BCL2: variants seen among roughly 807,000 people sequenced by gnomAD.
BCL2 encodes the protein BCL2 apoptosis regulator, also known as apoptosis regulator Bcl-2.
In BCL2, 1 loss-of-function variant was observed where a neutral mutation model predicts 14.2. The ratio of observed to expected loss-of-function variants is 0.07; its 90% CI spans 0.02 to 0.33. The LOEUF is 0.33. Ranked by LOEUF, BCL2 falls within the 10% of genes least tolerant of loss-of-function variation. BCL2 has a pLI of 0.99. For synonymous variants in BCL2, 151 were observed against 137.2 expected, an observed-to-expected ratio of 1.10 and a Z score of -0.70; for missense variants, 247 against 305.9, an observed-to-expected ratio of 0.81 and a Z score of 1.44.
intron 2 of BCL2, among the ~76,000 whole-genome samples, chr18:63,154,464 A>T (rs1914724297): frequency 6.6e-6 from 1 of 152,072 alleles, no homozygotes. Context: ...CCACAGGGCG[A>T]GCTGGCCCTG....
chr18:63,166,457 G>A (rs76109840), intron 2 of BCL2, among the ~76,000 whole-genome samples: 1 of 152,228 alleles, frequency 6.6e-6, no homozygotes, highest in East Asian at 1.9e-4. Context: ...ACTGTCACTG[G>A]CTGGGAGGAC....
At chr18:63,230,674 G>T (rs1021292154) in intron 2 of BCL2, among the ~76,000 whole-genome samples, 1 of 152,016 alleles carries the variant, frequency 6.6e-6, no homozygotes, top group African/African-American at 2.4e-5. Flanking sequence ...TAAAGCATGA[G>T]AATTCTTTTC....
At chr18:63,256,211 T>C (rs2084529445) in intron 2 of BCL2, among the ~76,000 whole-genome samples, 2 of 152,128 alleles carry the variant, frequency 1.3e-5, no homozygotes, top group African/African-American at 4.8e-5. Flanking sequence ...AAGACAACAT[T>C]ATGGAAAAAA....
intron 2 of BCL2, among the ~76,000 whole-genome samples, chr18:63,253,680 T>C (rs1202496564): frequency 6.6e-6 from 1 of 152,232 alleles, no homozygotes; most frequent in African/African-American, 2.4e-5. Context: ...ATATGAATAG[T>C]TGAATCATTT....
At chr18:63,207,752 T>C (rs1194837996) in intron 2 of BCL2, 2 of 152,208 alleles carry the variant, frequency 1.3e-5, no homozygotes, top group Non-Finnish European at 2.9e-5. Flanking sequence ...CAATTTAAAT[T>C]CTGTGCTGTT....
At chr18:63,258,390 T>TG (rs1222398519) in intron 2 of BCL2, among the ~76,000 whole-genome samples, 8 of 152,214 alleles carry the variant, frequency 5.3e-5, no homozygotes, top group South Asian at 4.1e-4. Context: ...TCAACAAAGC[T>TG]GGGAGGGTTC....
At chr18:63,211,817 C>T (rs1028554665) in intron 2 of BCL2, among the ~76,000 whole-genome samples, 1 of 152,252 alleles carries the variant, frequency 6.6e-6, no homozygotes, top group African/African-American at 2.4e-5. Context: ...CAAAGGTCCC[C>T]TGCGGCAGCA....
chr18:63,169,287 T>TCTTTCTTTCTTC lies in BCL2; in HGVS notation c.586-40529_586-40528insGAAGAAAGAAAG, dbSNP rs1491311238. On this transcript the variant is annotated intron_variant, in intron 2 of 2. Transcript: ENST00000333681. ...TTCTTTCTTTCTTTCTTTCTTTCTT[T>TCTTTCTTTCTTC]CTTTCTTTCTTTCTTTCTTTCTTCC... Among the ~76,000 whole-genome samples the TCTTTCTTTCTTC allele has an allele frequency of 2.8e-5, 2 of 70,554 alleles. 1 individual carries two copies. The highest frequency in any genetic ancestry group is 1.4e-3 in the East Asian group (2 of 1,380). The allele number at this position is 70,554 out of a possible 152,430, so 46.3% of individuals were successfully genotyped here. A position where few individuals can be genotyped will look rare whatever the true frequency, so the allele number is the denominator to read the frequency against.
intron 2 of BCL2, among the ~76,000 whole-genome samples, chr18:63,306,926 G>A (rs761675559): frequency 1.3e-5 from 2 of 148,800 alleles, no homozygotes; most frequent in Non-Finnish European, 3.0e-5. Context: ...TTCTTCCAAT[G>A]TGGCCCAGGG....
At chr18:63,315,744 T>C (rs1913475756) in intron 2 of BCL2, 1 of 152,318 alleles carries the variant, frequency 6.6e-6, no homozygotes, top group East Asian at 1.9e-4. Flanking sequence ...GTATGCCAAA[T>C]GCCTAAAATG....
chr18:63,298,213 A>G (rs189645223), intron 2 of BCL2, among the ~76,000 whole-genome samples: 47 of 152,260 alleles, frequency 3.1e-4, no homozygotes, highest in Non-Finnish European at 5.9e-4. Context: ...ATCCTTTGTT[A>G]TGACAAGAGT....
intron 2 of BCL2, among the ~76,000 whole-genome samples, chr18:63,199,875 A>G (rs1185465048): frequency 1.3e-5 from 2 of 152,022 alleles, no homozygotes; most frequent in Non-Finnish European, 2.9e-5. Context: ...CAACCACCAC[A>G]CATGGGGTAA....
intron 2 of BCL2, among the ~76,000 whole-genome samples, chr18:63,283,850 G>T (rs1912386948): frequency 6.6e-6 from 1 of 152,228 alleles, no homozygotes; most frequent in African/African-American, 2.4e-5. Flanking sequence ...TCAAATGTGA[G>T]ACTCAACTGC....
At position 63,124,405 on chromosome 18, in the gene BCL2, C is replaced by T; in HGVS notation, c.*4220G>A. On this transcript the variant is annotated 3_prime_UTR_variant, in exon 3 of 3. Coordinates refer to ENST00000333681, the MANE Select transcript of BCL2 (RefSeq NM_000633.3). ...CTGCCAAACGGAGCTGCACTTTGAGCCATGCTGATGTCTCTGGAATCTAAA... is the reference window on the plus strand; with the variant it reads ...CTGCCAAACGGAGCTGCACTTTGAGTCATGCTGATGTCTCTGGAATCTAAA... 1 of 230,972 alleles carries T rather than the reference C, an allele frequency of 4.3e-6. No individual in the cohort carries two copies. The highest frequency in any genetic ancestry group is 8.6e-6 in the Non-Finnish European group (1 of 116,540). 14.3% of individuals were successfully genotyped at this position (230,972 alleles called of 1,614,324 possible).
At chr18:63,292,619 C>T (rs903450791) in intron 2 of BCL2, among the ~76,000 whole-genome samples, 6 of 152,288 alleles carry the variant, frequency 3.9e-5, no homozygotes, top group East Asian at 3.9e-4. Context: ...GCAAATAAAC[C>T]GTCGTTGAAG....
At chr18:63,218,458 T>C (rs1910269654) in intron 2 of BCL2, among the ~76,000 whole-genome samples, 1 of 152,094 alleles carries the variant, frequency 6.6e-6, no homozygotes, top group African/African-American at 2.4e-5. Context: ...TTTCTTTCAA[T>C]TTAATGTTCA....
At chr18:63,140,683 G>C (rs1047205937) in intron 2 of BCL2, among the ~76,000 whole-genome samples, 1 of 151,978 alleles carries the variant, frequency 6.6e-6, no homozygotes, top group Non-Finnish European at 1.5e-5. Context: ...ATGGGTACAG[G>C]GCTTCTTTTT....
chr18:63,237,018 G>A (rs190687388), intron 2 of BCL2, among the ~76,000 whole-genome samples: 130 of 152,132 alleles, frequency 8.5e-4, no homozygotes, highest in African/African-American at 2.9e-3. Context: ...GTTTTGAGGC[G>A]CACTCCTGGC....
chr18:63,212,194 CGG>C (rs1910034230), intron 2 of BCL2, among the ~76,000 whole-genome samples: 4 of 151,178 alleles, frequency 2.6e-5, no homozygotes, highest in Non-Finnish European at 5.9e-5. Flanking sequence ...GGCGTGGTGG[CGG>C]GCGCCTGTAG....
Sources: allele counts gnomAD v4.1 joint callset (sites outside exome capture counted in the v4.1 genomes callset), GRCh38; gene constraint gnomAD v4.1.1; transcripts MANE v1.5; gene names NCBI Gene and HGNC (gene_info 2026-07-23, HGNC 2026-07-21).